The following XPO1 variants were observed in gnomAD, a reference collection of about 807,000 sequenced individuals.
XPO1 encodes exportin 1.
A neutral mutation model predicts 133.3 loss-of-function variants in XPO1; 5 were observed. The ratio of observed to expected loss-of-function variants is 0.04; its 90% CI spans 0.02 to 0.08. XPO1 has a LOEUF of 0.08. Ranked by LOEUF, XPO1 falls within the 10% of genes least tolerant of loss-of-function variation. The pLI, the probability that XPO1 is intolerant of heterozygous loss-of-function variation, is 1.00. For missense variants in XPO1, 506 were observed against 1,267.5 expected, an observed-to-expected ratio of 0.40 and a Z score of 9.12; for synonymous variants, 419 against 408.2, an observed-to-expected ratio of 1.03 and a Z score of -0.32.
chr2:61,510,820 C>G (rs1698055942), intron 4 of XPO1, among the ~76,000 whole-genome samples: 3 of 151,820 alleles, frequency 2.0e-5, no homozygotes, highest in Admixed American at 1.3e-4. Context: ...GCACGTAGTC[C>G]CAGTTATGCA....
In XPO1 at chr2:61,492,551, C is replaced by T. The variant is rs1558639564; in HGVS notation, c.1566+16G>A. ...ACTTATTTAGCAATTCTAATTCATA[C>T]CTATCCCTTGCATACCTTTATAACA... On this transcript the variant is annotated intron_variant, in intron 14 of 24. Coordinates refer to ENST00000401558, the MANE Select transcript of XPO1 (RefSeq NM_003400.4). The surrounding 1 kb of genome is among the most constrained non-coding windows in gnomAD (Gnocchi z 5.6). The T allele has an allele frequency of 6.2e-7, 1 of 1,604,528 alleles. No individual in the cohort carries two copies. Among genetic ancestry groups the T allele is most frequent in the African/African-American group, 1.3e-5 (1 of 74,430 alleles).
In XPO1 at chr2:61,485,747, C is replaced by T. The variant is rs377704342; in HGVS notation, c.2508+21G>A. Reference sequence around the variant, plus strand: ...GCTATCCTGCAGAATTTCCCCCTTACATAACTGAAATATTACACACCTTAT... The same window carrying T: ...GCTATCCTGCAGAATTTCCCCCTTATATAACTGAAATATTACACACCTTAT... On this transcript the variant is annotated intron_variant, in intron 20 of 24. Transcript: ENST00000401558. 2.5e-6 allele frequency: 4 copies of T among 1,579,584 alleles called. No individual in the cohort carries two copies. The African/African-American group carries it at 4.0e-5, about 16-fold the overall frequency.
chr2:61,525,623 C>T (rs1698878550), intron 3 of XPO1: 12 of 1,021,280 alleles, frequency 1.2e-5, no homozygotes, highest in Non-Finnish European at 1.3e-5. Context: ...ATTTACCAGG[C>T]AAGCAAACAG....
At chr2:61,526,990 G>A (rs939251800) in intron 2 of XPO1, among the ~76,000 whole-genome samples, 1 of 152,092 alleles carries the variant, frequency 6.6e-6, no homozygotes, top group Admixed American at 6.6e-5. Context: ...TTATAGGAGT[G>A]AGCCACCATG....
At chr2:61,525,235 A>G in intron 3 of XPO1, 1 of 983,572 alleles carries the variant, frequency 1.0e-6, no homozygotes, top group South Asian at 4.7e-5. Context: ...CAATTGATGA[A>G]CAGAATTCAG....
intron 19 of XPO1, 66 bp downstream of exon 19, chr2:61,488,099 G>GTA (rs1696786083): frequency 7.3e-7 from 1 of 1,375,298 alleles, no homozygotes; most frequent in Middle Eastern, 1.8e-4. Context: ...ACATAATAGA[G>GTA]TATAGCATAT....
intron 2 of XPO1, among the ~76,000 whole-genome samples, chr2:61,533,414 A>C (rs761898051): frequency 1.4e-4 from 21 of 152,212 alleles, no homozygotes; most frequent in Non-Finnish European, 2.5e-4. Context: ...GTTTTTATTT[A>C]AACAAACATA....
intron 11 of XPO1, chr2:61,494,312 A>G (rs1697134258): frequency 1.6e-5 from 7 of 437,408 alleles, no homozygotes. Context: ...GTTGATCAAT[A>G]TGTATTTTTA....
At chr2:61,504,342 A>G (rs112998446) in intron 4 of XPO1, among the ~76,000 whole-genome samples, 3 of 152,340 alleles carry the variant, frequency 2.0e-5, no homozygotes, top group Admixed American at 6.5e-5. Context: ...AGAGTGTTGC[A>G]GAATGTTAAA....
chr2:61,515,215 G>A (rs931924424), intron 4 of XPO1, among the ~76,000 whole-genome samples: 1 of 152,102 alleles, frequency 6.6e-6, no homozygotes, highest in African/African-American at 2.4e-5. Flanking sequence ...TTTCACAGGA[G>A]CATGCACAAG....
chr2:61,507,231 G>T (rs1224108313), intron 4 of XPO1, among the ~76,000 whole-genome samples: 2 of 83,732 alleles, frequency 2.4e-5, no homozygotes, highest in African/African-American at 9.9e-5. Context: ...GTGACAGCGG[G>T]AGACTCCATC....
intron 2 of XPO1, among the ~76,000 whole-genome samples, chr2:61,529,927 T>C (rs1039573256): frequency 6.6e-6 from 1 of 152,220 alleles, no homozygotes; most frequent in African/African-American, 2.4e-5. Flanking sequence ...TTAATGTGTA[T>C]ACTTTAAAAT....
chr2:61,501,939 T>C (rs756412658), intron 6 of XPO1, 57 bp downstream of exon 6: 35 of 1,444,542 alleles, frequency 2.4e-5, no homozygotes, highest in Non-Finnish European at 3.1e-5. Flanking sequence ...AGGTCGAACA[T>C]TTTGTTCAAA....
intron 4 of XPO1, among the ~76,000 whole-genome samples, chr2:61,508,742 CAT>C (rs2104594053): frequency 6.6e-6 from 1 of 152,306 alleles, no homozygotes; most frequent in East Asian, 1.9e-4. Context: ...CAAATGGTGT[CAT>C]ATTCCCATAG....
chr2:61,491,228 C>T (rs1010224723), intron 16 of XPO1, among the ~76,000 whole-genome samples: 2 of 151,214 alleles, frequency 1.3e-5, no homozygotes, highest in Non-Finnish European at 1.5e-5. Flanking sequence ...TTTGGGAGGC[C>T]GAGGCGGGCG....
intron 12 of XPO1, 82 bp from the exon 13 acceptor site, chr2:61,493,135 CA>C: frequency 2.1e-6 from 3 of 1,410,878 alleles, no homozygotes; most frequent in Non-Finnish European, 2.8e-6. Context: ...TAAAAACAAA[CA>C]AAACCAAAAA....
chr2:61,529,165 T>C (rs1047477180), intron 2 of XPO1, among the ~76,000 whole-genome samples: 35 of 152,160 alleles, frequency 2.3e-4, no homozygotes, highest in African/African-American at 8.4e-4. Flanking sequence ...CCAGCCTGTG[T>C]GACAGAGCAA....
chr2:61,486,049 G>A (rs531323950), intron 19 of XPO1, 87 bp from the exon 20 acceptor site: 4 of 1,239,058 alleles, frequency 3.2e-6, no homozygotes, highest in South Asian at 1.6e-5. Flanking sequence ...TCTATGAGAT[G>A]TAGCATGATC....
chr2:61,521,431 T>A (rs1050181523), intron 4 of XPO1, among the ~76,000 whole-genome samples: 2 of 152,074 alleles, frequency 1.3e-5, no homozygotes, highest in Admixed American at 6.6e-5. Context: ...AAGAAAAAAA[T>A]TTCTATTTTT....
Sources: gnomAD v4.1 joint callset for allele counts (sites outside exome capture counted in the v4.1 genomes callset) on GRCh38, gnomAD v4.1.1 for gene constraint, Gnocchi (gnomAD v3.1) non-coding constraint, MANE v1.5 for transcripts, NCBI Gene and HGNC (gene_info 2026-07-23, HGNC 2026-07-21) for gene names.